The following BOD1 variants were observed in gnomAD, a reference collection of about 807,000 sequenced individuals.
The protein encoded by BOD1 is biorientation of chromosomes in cell division 1.
Under a neutral mutation model 15.7 loss-of-function variants are expected in BOD1, and 11 were observed. The ratio of observed to expected loss-of-function variants is 0.70; its 90% CI spans 0.44 to 1.16. The LOEUF is 1.16. BOD1 is among the 50% of genes most tolerant of loss of function. The probability of loss-of-function intolerance (pLI) is 0.00; values close to 1 mark genes in which losing one functional copy is unlikely to be tolerated. For missense variants in BOD1, 182 were observed against 244.5 expected (o/e 0.74, Z 1.70); for synonymous variants, 105 against 103.5 (o/e 1.01, Z -0.09).
chr5:173,612,703 C>T (rs1755387110), intron 2 of BOD1, among the ~76,000 whole-genome samples: 1 of 152,220 alleles, frequency 6.6e-6, no homozygotes, highest in South Asian at 2.1e-4. Context: ...GTCACCATTA[C>T]ACTTTAGAGG....
chr5:173,609,553 G>A (rs1410496387), intron 2 of BOD1, 119 bp from the exon 3 acceptor site: 13 of 977,658 alleles, frequency 1.3e-5, no homozygotes, highest in Non-Finnish European at 1.8e-5. Flanking sequence ...GCCCTTCTAG[G>A]GAGTTTAGAG....
At chr5:173,610,932 T>C (rs2113330601) in intron 2 of BOD1, among the ~76,000 whole-genome samples, 1 of 152,326 alleles carries the variant, frequency 6.6e-6, no homozygotes, top group African/African-American at 2.4e-5. Flanking sequence ...AACAAGCAGT[T>C]GGCAGTCTGC....
intron 2 of BOD1, among the ~76,000 whole-genome samples, chr5:173,610,680 C>T (rs1346656601): frequency 6.6e-6 from 1 of 152,216 alleles, no homozygotes; most frequent in African/African-American, 2.4e-5. Context: ...CTTTACCAAA[C>T]CACTTCCTGA....
intron 3 of BOD1, 129 bp from the exon 4 acceptor site, chr5:173,608,421 ACTCAAGGGCTTCT>A: frequency 1.4e-6 from 1 of 714,330 alleles, no homozygotes; most frequent in Non-Finnish European, 2.3e-6. Flanking sequence ...TCCATATTGG[ACTCAAGGGCTTCT>A]CTCAATAGAG....
At chr5:173,611,887 G>A (rs1177783031) in intron 2 of BOD1, among the ~76,000 whole-genome samples, 1 of 152,244 alleles carries the variant, frequency 6.6e-6, no homozygotes, top group African/African-American at 2.4e-5. Flanking sequence ...AGAATGTTCA[G>A]TGTTTTGATT....
chr5:173,609,445 C>T lies in BOD1; in HGVS notation c.363-11G>A, dbSNP rs1755290865. The T allele has an allele frequency of 1.1e-5, 13 of 1,213,964 alleles. No individual in the cohort carries two copies. Among genetic ancestry groups the T allele is most frequent in the African/African-American group, 2.9e-5 (1 of 34,638 alleles). The allele number at this position is 1,213,964 out of a possible 1,614,324, so 75.2% of individuals were successfully genotyped here. The stretch of plus-strand genomic sequence containing the variant: ...TCCAACATCCCTGACCTTGTGGAGA[C>T]AAACAGATCATTCTGTTATTTAGTT... On this transcript the variant is annotated splice_polypyrimidine_tract_variant and intron_variant, in intron 2 of 3. Transcript: ENST00000311086.
Position 173,607,494 on chromosome 5 carries a change from GT to G in BOD1, c.*799del, listed in dbSNP as rs1242876504. On this transcript the variant is annotated 3_prime_UTR_variant, in exon 4 of 4. Coordinates refer to ENST00000311086, the MANE Select transcript of BOD1 (RefSeq NM_138369.3). ...AAAGGTTGCCCTTCACAGACCTGAG[GT>G]TTAAGCTTCAGCTGAAGCTTCGGAG... 6 of 152,184 alleles carry G rather than the reference GT, an allele frequency of 3.9e-5. No individual in the cohort carries two copies. The highest frequency in any genetic ancestry group is 7.3e-5 in the Non-Finnish European group (5 of 68,036). The allele number at this position is 152,184 out of a possible 1,614,324, so 9.4% of individuals were successfully genotyped here.
intron 2 of BOD1, among the ~76,000 whole-genome samples, chr5:173,611,543 A>C (rs189857): frequency 0.43 from 64,042 of 150,464 alleles, 14,640 homozygotes; most frequent in East Asian, 0.79. Context: ...AAAAAAAAAA[A>C]AACAACAACT....
intron 1 of BOD1, among the ~76,000 whole-genome samples, chr5:173,615,138 A>G (rs1755459361): frequency 6.6e-6 from 1 of 152,056 alleles, no homozygotes; most frequent in Non-Finnish European, 1.5e-5. Flanking sequence ...TTTCAAGGAC[A>G]GACTTCTAGT....
chr5:173,616,633 G>GGTGGACGCGGCA lies in BOD1; in HGVS notation c.-209_-198dup, dbSNP rs1755519206. The stretch of plus-strand genomic sequence containing the variant: ...CCCCCTCTGATACAGCAGAGGTTGT[G>GGTGGACGCGGCA]GTGGACGCGGCAGAAACGGCCTGCT... On this transcript the variant is annotated 5_prime_UTR_variant, in exon 1 of 4. Coordinates refer to ENST00000311086, the MANE Select transcript of BOD1 (RefSeq NM_138369.3). 1.5e-6 allele frequency: 2 copies of GGTGGACGCGGCA among 1,316,094 alleles called. No homozygotes were observed. Among genetic ancestry groups the GGTGGACGCGGCA allele is most frequent in the Non-Finnish European group, 1.9e-6 (2 of 1,037,588 alleles). 81.5% of individuals were successfully genotyped at this position (1,316,094 alleles called of 1,614,324 possible).
chr5:173,608,337 C>T (rs372975990), intron 3 of BOD1, 45 bp from the exon 4 acceptor site: 29 of 1,338,380 alleles, frequency 2.2e-5, no homozygotes, highest in Admixed American at 3.6e-5. Context: ...TTATTGATAA[C>T]AGACTATATT....
chr5:173,616,504 T>C lies in BOD1; in HGVS notation c.-68A>G, dbSNP rs1032451763. 4.5e-5 allele frequency: 68 copies of C among 1,514,198 alleles called. No homozygotes were observed. The highest frequency in any genetic ancestry group is 5.6e-5 in the Non-Finnish European group (64 of 1,142,046). 93.8% of individuals were successfully genotyped at this position (1,514,198 alleles called of 1,614,324 possible). On this transcript the variant is annotated 5_prime_UTR_variant, in exon 1 of 4. Transcript: ENST00000311086. ...TCTCCAGGACAGAAGGCCTAGAACG[T>C]GTAGAGGTGGTGAAGGGGGCGGTGA...
At position 173,608,081 on chromosome 5, in the gene BOD1, T is replaced by G; in HGVS notation, c.*213A>C. The G allele has an allele frequency of 2.2e-6, 1 of 458,868 alleles. No individual in the cohort carries two copies. The highest frequency in any genetic ancestry group is 2.3e-5 in the South Asian group (1 of 42,702). The allele number at this position is 458,868 out of a possible 1,614,324, so 28.4% of individuals were successfully genotyped here. ...CTTGGTGTCATGCCCTTGGACAGGC[T>G]GGCCAAATGGCAGCACAATGCAGGG... is the stretch of plus-strand genomic sequence containing the variant. On this transcript the variant is annotated 3_prime_UTR_variant, in exon 4 of 4. Transcript: ENST00000311086.
chr5:173,613,344 A>G (rs1755406381), intron 1 of BOD1, 89 bp from the exon 2 acceptor site: 1 of 1,475,584 alleles, frequency 6.8e-7, no homozygotes, highest in Admixed American at 1.8e-5. Flanking sequence ...TTTCACAGAA[A>G]CGTTATTAAG....
At chr5:173,611,212 A>AT (rs995982546) in intron 2 of BOD1, among the ~76,000 whole-genome samples, 30 of 152,240 alleles carry the variant, frequency 2.0e-4, no homozygotes, top group African/African-American at 6.3e-4. Context: ...GAAAAAACAA[A>AT]TATTGTACAG....
At position 173,608,155 on chromosome 5, in the gene BOD1, T is replaced by C; in HGVS notation, c.*139A>G. On this transcript the variant is annotated 3_prime_UTR_variant, in exon 4 of 4. Coordinates refer to ENST00000311086, the MANE Select transcript of BOD1 (RefSeq NM_138369.3). ...TGCCGAACTTGCTCCCCTTTCAATC[T>C]GGTCACTGCCCATGGTCAAGGTTGA... 2 of 1,047,788 alleles carry C rather than the reference T, an allele frequency of 1.9e-6. No homozygotes were observed. Among genetic ancestry groups the C allele is most frequent in the Non-Finnish European group, 3.0e-6 (2 of 675,174 alleles). 64.9% of individuals were successfully genotyped at this position (1,047,788 alleles called of 1,614,324 possible).
At chr5:173,609,476 G>C (rs200786576) in intron 2 of BOD1, 42 bp from the exon 3 acceptor site, 151 of 1,599,196 alleles carry the variant, frequency 9.4e-5, no homozygotes, top group Middle Eastern at 1.7e-4. Flanking sequence ...TAGTTCCTTC[G>C]GGATTCATCT....
At chr5:173,614,237 T>C (rs1755433465) in intron 1 of BOD1, among the ~76,000 whole-genome samples, 2 of 152,214 alleles carry the variant, frequency 1.3e-5, no homozygotes, top group Admixed American at 1.3e-4. Context: ...GCAGTTAGGA[T>C]TATTTTTGTC....
chr5:173,613,205 A>G lies in BOD1; in HGVS notation c.288T>C (p.His96=). ...RQKVDNFVST[H]LDKQEWNPTM... The stretch of plus-strand genomic sequence containing the variant: ...TAGGATTCCATTCCTGCTTGTCCAG[A>G]TGTGTTGACACAAAATTATCCACTT... Residue 96 remains histidine, a synonymous_variant, in exon 2 of 4, where the codon CAT becomes CAC. Transcript: ENST00000311086. The G allele has an allele frequency of 1.2e-6, 2 of 1,613,244 alleles. No homozygotes were observed. The highest frequency in any genetic ancestry group is 1.7e-6 in the Non-Finnish European group (2 of 1,179,214).
Sources: allele counts gnomAD v4.1 joint callset (sites outside exome capture counted in the v4.1 genomes callset), GRCh38; gene constraint gnomAD v4.1.1; transcripts MANE v1.5; gene names NCBI Gene and HGNC (gene_info 2026-07-23, HGNC 2026-07-21).